AUTS2: variants seen among roughly 807,000 people sequenced by gnomAD.
AUTS2 encodes the protein autism susceptibility gene 2 protein.
In AUTS2, 17 loss-of-function variants were observed where a neutral mutation model predicts 112.4. That is an observed-to-expected ratio of 0.15 (90% CI 0.10 to 0.23). The LOEUF (loss-of-function observed/expected upper bound fraction) is 0.23, where lower values mean the gene tolerates loss of function less well. AUTS2 is among the 10% of genes least tolerant of loss of function. The pLI, the probability that AUTS2 is intolerant of heterozygous loss-of-function variation, is 1.00. For missense variants in AUTS2, 1,510 were observed against 1,701.6 expected (o/e 0.89, Z 1.98); for synonymous variants, 751 against 702.7 (o/e 1.07, Z -1.09).
chr7:70,729,975 C>A (rs546098529), intron 6 of AUTS2, among the ~76,000 whole-genome samples: 124 of 152,096 alleles, frequency 8.2e-4, no homozygotes, highest in Non-Finnish European at 1.6e-3. Context: ...CTCCGCCTCC[C>A]GGGTTGAAGT....
At chr7:69,995,246 C>G (rs1197408454) in intron 2 of AUTS2, among the ~76,000 whole-genome samples, 2 of 152,074 alleles carry the variant, frequency 1.3e-5, no homozygotes, top group East Asian at 1.9e-4. Context: ...TACTCTCTCC[C>G]CATCTAAATT....
At chr7:69,676,416 C>T (rs2851517) in intron 1 of AUTS2, among the ~76,000 whole-genome samples, 108,385 of 152,150 alleles carry the variant, frequency 0.71, 38,662 homozygotes, top group East Asian at 0.78. Flanking sequence ...AAGGCCATGT[C>T]CTGGTTTGCT....
chr7:70,613,793 C>T (rs1414153405), intron 5 of AUTS2, among the ~76,000 whole-genome samples: 1 of 152,210 alleles, frequency 6.6e-6, no homozygotes, highest in Non-Finnish European at 1.5e-5. Context: ...TCCCTGGCTC[C>T]TTGGAGTCTT....
intron 1 of AUTS2, among the ~76,000 whole-genome samples, chr7:69,801,991 G>GTGA (rs1486002502): frequency 2.0e-5 from 3 of 152,146 alleles, no homozygotes; most frequent in African/African-American, 7.2e-5. Flanking sequence ...CTAAAAGGGG[G>GTGA]TGAGGAAGTA....
rs554452371 is a variant in AUTS2 at position 70,319,588 on chromosome 7, G to A, written c.661-116164G>A. On this transcript the variant is annotated intron_variant, in intron 4 of 18. Transcript: ENST00000342771. ...AGTGTTTGCTAAGTCTCTCCTGTGT[G>A]TTTAGTGTTGTGGGGGTTTTAGTCG... 4.6e-5 allele frequency among the ~76,000 whole-genome samples: 7 copies of A among 152,316 alleles called. No homozygotes were observed. In the South Asian group the frequency reaches 1.5e-3, roughly 32 times the overall value.
intron 5 of AUTS2, among the ~76,000 whole-genome samples, chr7:70,673,786 T>G (rs1256508302): frequency 6.6e-6 from 1 of 152,216 alleles, no homozygotes; most frequent in Non-Finnish European, 1.5e-5. Context: ...TATTCTGTGT[T>G]GGTCACAGAA....
chr7:70,657,385 G>A (rs1172273799), intron 5 of AUTS2, among the ~76,000 whole-genome samples: 1 of 152,182 alleles, frequency 6.6e-6, no homozygotes, highest in African/African-American at 2.4e-5. Context: ...GCAAAACACA[G>A]ACCTTTGTAT....
chr7:69,960,429 C>G (rs942159747), intron 2 of AUTS2, among the ~76,000 whole-genome samples: 1 of 152,090 alleles, frequency 6.6e-6, no homozygotes, highest in Non-Finnish European at 1.5e-5. Context: ...TATTAAAGAA[C>G]AAAACCTCAT....
chr7:69,847,729 G>A (rs752340914), intron 1 of AUTS2, among the ~76,000 whole-genome samples: 1 of 152,174 alleles, frequency 6.6e-6, no homozygotes, highest in Non-Finnish European at 1.5e-5. Flanking sequence ...GTAGAAAGCC[G>A]AACACTTGAA....
At chr7:69,633,235 A>G (rs547967084) in intron 1 of AUTS2, among the ~76,000 whole-genome samples, 2 of 152,160 alleles carry the variant, frequency 1.3e-5, no homozygotes, top group Admixed American at 6.5e-5. Flanking sequence ...AGTGTCCTTC[A>G]GGCTCATCCA....
chr7:70,784,792 CT>C (rs1227839833), intron 15 of AUTS2, 149 bp from the exon 16 acceptor site: 1 of 518,414 alleles, frequency 1.9e-6, no homozygotes, highest in Non-Finnish European at 3.5e-6. Context: ...TTCTTTTACC[CT>C]GTGTCTTGCC....
At chr7:69,715,124 T>A (rs1234273610) in intron 1 of AUTS2, among the ~76,000 whole-genome samples, 1 of 151,500 alleles carries the variant, frequency 6.6e-6, no homozygotes, top group Non-Finnish European at 1.5e-5. Flanking sequence ...GGAGGTCATT[T>A]ACCACCTGAG....
chr7:70,789,776 C>A lies in AUTS2; in HGVS notation c.2560C>A (p.His854Asn), dbSNP rs1487901851. 2.5e-6 allele frequency: 4 copies of A among 1,613,648 alleles called. No individual in the cohort carries two copies. The African/African-American group carries it at 5.3e-5, about 22-fold the overall frequency. The stretch of plus-strand genomic sequence containing the variant: ...AAGCGTCGAGAAGAGACACTCCAGC[C>A]ACCCTTCACCAGCACCTGTCCTCCC... ...RESVEKRHSS[H>N]PSPAPVLPVN... Residue 854 changes from histidine to asparagine, a missense_variant, in exon 19 of 19, where the codon CAC (histidine) becomes AAC (asparagine). By Grantham distance (68) the His-to-Asn change is moderately conservative. This residue lies in a region of AUTS2 where 788 missense variants were observed against 797.6 expected (regional missense o/e 0.99). Transcript: ENST00000342771.
rs377210542 is a variant in AUTS2, at chr7:69,640,333, C to T, written c.309+40371C>T. Among the ~76,000 whole-genome samples, 21 of 152,320 alleles carry T rather than the reference C, an allele frequency of 1.4e-4. No individual in the cohort carries two copies. In the East Asian group the frequency reaches 2.7e-3, roughly 20 times the overall value. On this transcript the variant is annotated intron_variant, in intron 1 of 18. Transcript: ENST00000342771. Reference sequence around the variant, plus strand: ...CCCAGCCGGGGATGGAGGGCATTCTCTTCCACTGGATTTAAGCTCTGTGAG... The same window carrying T: ...CCCAGCCGGGGATGGAGGGCATTCTTTTCCACTGGATTTAAGCTCTGTGAG...
chr7:69,856,820 C>G (rs1377183081), intron 1 of AUTS2, among the ~76,000 whole-genome samples: 1 of 152,190 alleles, frequency 6.6e-6, no homozygotes, highest in East Asian at 1.9e-4. Context: ...GGATTCAGTG[C>G]TTTTCCTGGG....
intron 2 of AUTS2, among the ~76,000 whole-genome samples, chr7:69,926,441 GTCTGTCTATCTATCTATCTA>G (rs71097501): frequency 0.13 from 17,890 of 140,190 alleles, 1,095 homozygotes; most frequent in South Asian, 0.19. Flanking sequence ...CTGTCTGTCT[GTCTGTCTATCTATCTATCTA>G]TCTATCTATC....
intron 4 of AUTS2, among the ~76,000 whole-genome samples, chr7:70,242,407 C>T (rs1184902675): frequency 6.6e-6 from 1 of 152,148 alleles, no homozygotes; most frequent in East Asian, 1.9e-4. Flanking sequence ...TTCCTTCTTC[C>T]ATCCATACTT....
At position 69,972,061 on chromosome 7, in the gene AUTS2, C is replaced by T. The variant is rs141347102; in HGVS notation, c.522+72563C>T. Among the ~76,000 whole-genome samples, 162 of 152,242 alleles carry T rather than the reference C, an allele frequency of 1.1e-3. 1 individual carries two copies. The highest frequency in any genetic ancestry group is 3.4e-3 in the Middle Eastern group (1 of 294). ...TATTCTCTTTAGTGCACTGTATTAG[C>T]GATTCCGTTTACTTGCGCATTCACC... On this transcript the variant is annotated intron_variant, in intron 2 of 18. Coordinates refer to ENST00000342771, the MANE Select transcript of AUTS2 (RefSeq NM_015570.4).
At chr7:70,211,949 G>T (rs1338242221) in intron 4 of AUTS2, among the ~76,000 whole-genome samples, 1 of 152,198 alleles carries the variant, frequency 6.6e-6, no homozygotes, top group Non-Finnish European at 1.5e-5. Flanking sequence ...TCTCACCACT[G>T]CACTCCAGCC....
Sources: gnomAD v4.1 joint callset for allele counts (sites outside exome capture counted in the v4.1 genomes callset) on GRCh38, gnomAD v4.1.1 for gene constraint, gnomAD v4.1.1 regional missense constraint, MANE v1.5 for transcripts, NCBI Gene and HGNC (gene_info 2026-07-23, HGNC 2026-07-21) for gene names.